The following WNK3 variants were observed in gnomAD, a reference collection of about 807,000 sequenced individuals.
WNK3 encodes the protein WNK lysine deficient protein kinase 3.
Under a neutral mutation model 116.7 loss-of-function variants are expected in WNK3, and 18 were observed. That is an observed-to-expected ratio of 0.15 (90% CI 0.11 to 0.23). The LOEUF (loss-of-function observed/expected upper bound fraction) is 0.23, where lower values mean the gene tolerates loss of function less well. Among genes scored for constraint, WNK3 ranks in the 10% least tolerant of loss-of-function variants. The probability of loss-of-function intolerance (pLI) is 1.00; values close to 1 mark genes in which losing one functional copy is unlikely to be tolerated. For missense variants in WNK3, 993 were observed against 1,323.8 expected, an observed-to-expected ratio of 0.75 and a Z score of 3.88; for synonymous variants, 404 against 469.4, an observed-to-expected ratio of 0.86 and a Z score of 1.80.
At chrX:54,278,294 T>A (rs2147054499) in intron 10 of WNK3, among the ~76,000 whole-genome samples, 1 of 110,075 alleles carries the variant, frequency 9.1e-6, no homozygotes, top group East Asian at 2.8e-4. Flanking sequence ...AGTCAAGATG[T>A]CAATTTTCCC....
intron 1 of WNK3, among the ~76,000 whole-genome samples, chrX:54,342,815 C>T (rs1276264707): frequency 5.4e-5 from 6 of 110,362 alleles, no homozygotes; most frequent in Admixed American, 9.8e-5. Context: ...CTAAGTATAA[C>T]GTATCTGGGG....
chrX:54,275,677 T>C (rs1023970422), intron 10 of WNK3, among the ~76,000 whole-genome samples: 4 of 110,285 alleles, frequency 3.6e-5, no homozygotes, highest in African/African-American at 9.9e-5. Flanking sequence ...ACTAACATGA[T>C]AGACTTAAAT....
intron 22 of WNK3, among the ~76,000 whole-genome samples, chrX:54,203,918 G>A (rs1333197238): frequency 9.1e-6 from 1 of 110,199 alleles, no homozygotes; most frequent in Non-Finnish European, 1.9e-5. Context: ...TTGTACTCCA[G>A]CCTGGGCAAC....
chrX:54,314,259 C>T (rs1213779534), intron 2 of WNK3, among the ~76,000 whole-genome samples: 2 of 107,342 alleles, frequency 1.9e-5, no homozygotes, highest in African/African-American at 6.8e-5. Context: ...TGCTTGTTTA[C>T]ACCTTTACCT....
chrX:54,198,600 T>C, exon 24 of WNK3: 1 of 1,210,071 alleles, frequency 8.3e-7, no homozygotes, highest in East Asian at 3.0e-5. Context: ...CTCCACGGAT[T>C]TGGGACAGAG....
chrX:54,344,658 CGGGCGCCT>C (rs1557177098), intron 1 of WNK3, among the ~76,000 whole-genome samples: 2 of 111,116 alleles, frequency 1.8e-5, no homozygotes, highest in East Asian at 2.9e-4. Flanking sequence ...TATTTGAGGC[CGGGCGCCT>C]GGGCGCGGTG....
chrX:54,214,132 G>A (rs781868233), intron 22 of WNK3, among the ~76,000 whole-genome samples: 7 of 110,413 alleles, frequency 6.3e-5, no homozygotes, highest in South Asian at 3.9e-4. Flanking sequence ...GCGTGCCACC[G>A]CTACCACACC....
intron 1 of WNK3, among the ~76,000 whole-genome samples, chrX:54,342,081 G>C (rs2069333712): frequency 9.1e-6 from 1 of 110,074 alleles, no homozygotes; most frequent in African/African-American, 3.3e-5. Flanking sequence ...GGCAACACAG[G>C]GAGACCCTGT....
intron 17 of WNK3, among the ~76,000 whole-genome samples, chrX:54,247,292 T>C (rs1439147023): frequency 9.0e-6 from 1 of 110,955 alleles, no homozygotes; most frequent in Non-Finnish European, 1.9e-5. Flanking sequence ...TTTCTTAAGA[T>C]TCGAATCACA....
rs140889058 is a variant in WNK3 at position 54,205,267 on chromosome X, CCAAACAAA to C, written c.4871-3082_4871-3075del. Among the ~76,000 whole-genome samples the C allele has an allele frequency of 5.4e-3, 553 of 102,955 alleles. 4 individuals are homozygous for C. The highest frequency in any genetic ancestry group is 0.02 in the African/African-American group (539 of 26,401). 89.4% of individuals were successfully genotyped at this position (102,955 alleles called of 115,157 possible). A position where few individuals can be genotyped will look rare whatever the true frequency, so the allele number is the denominator to read the frequency against. On this transcript the variant is annotated intron_variant, in intron 22 of 23. Transcript: ENST00000354646. ...ACCAACCAACCAACCAACCAACCAACCAAACAAACAAACAACAAAAAAAAGAACATTTC... is the reference window on the plus strand; with the variant it reads ...ACCAACCAACCAACCAACCAACCAACCAAACAACAAAAAAAAGAACATTTC...
intron 7 of WNK3, among the ~76,000 whole-genome samples, chrX:54,295,851 C>T (rs182957602): frequency 6.7e-4 from 74 of 110,764 alleles, no homozygotes; most frequent in Non-Finnish European, 1.1e-3. Flanking sequence ...CCACACCTGG[C>T]TAATTTTTAA....
chrX:54,293,217 T>C lies in WNK3; in HGVS notation c.1804A>G (p.Asn602Asp), dbSNP rs147282819. 3.3e-6 allele frequency: 4 copies of C among 1,211,166 alleles called. No homozygotes were observed. The African/African-American group carries it at 5.2e-5, about 16-fold the overall frequency. ...ACATTTACTTCAGCCTGCGGGATAT[T>C]AGAAACCATTTGAGAGCCCATCGTT... The change falls in exon 9 of 24, where the codon AAT becomes GAT. Residue 602 changes from asparagine (N) to aspartate (D), a missense_variant. Physicochemically the swap from Asn to Asp is conservative, Grantham distance 23. This residue lies in a region of WNK3 where 836 missense variants were observed against 976.5 expected (regional missense o/e 0.86). Transcript: ENST00000354646.
chrX:54,311,558 A>G (rs2068887464), intron 2 of WNK3, among the ~76,000 whole-genome samples: 1 of 112,101 alleles, frequency 8.9e-6, no homozygotes, highest in Non-Finnish European at 1.9e-5. Flanking sequence ...CTTGAAAAAC[A>G]GTATCTCAAA....
intron 10 of WNK3, among the ~76,000 whole-genome samples, chrX:54,280,665 G>A (rs896218957): frequency 1.8e-5 from 2 of 111,866 alleles, no homozygotes; most frequent in Non-Finnish European, 3.8e-5. Context: ...TTTCCTAGGC[G>A]AACTAACACA....
intron 17 of WNK3, among the ~76,000 whole-genome samples, chrX:54,243,441 A>AAAG (rs2068045030): frequency 9.3e-6 from 1 of 108,057 alleles, no homozygotes; most frequent in Admixed American, 1.0e-4. Flanking sequence ...AAAAAAAAAA[A>AAAG]AAAGAATTCT....
chrX:54,232,097 G>A (rs868994297), intron 21 of WNK3, among the ~76,000 whole-genome samples: 2 of 94,205 alleles, frequency 2.1e-5, no homozygotes, highest in Non-Finnish European at 4.0e-5. Context: ...CTGTGTATAT[G>A]TGTGTGTGTG....
At chrX:54,282,786 C>T (rs781914475) in intron 10 of WNK3, among the ~76,000 whole-genome samples, 5 of 111,583 alleles carry the variant, frequency 4.5e-5, no homozygotes, top group Non-Finnish European at 9.4e-5. Context: ...TGAAATTAGA[C>T]CCCTACCTCA....
chrX:54,242,532 C>G (rs1372383620), intron 17 of WNK3, among the ~76,000 whole-genome samples: 3 of 112,535 alleles, frequency 2.7e-5, no homozygotes, highest in Non-Finnish European at 5.6e-5. Flanking sequence ...TACTATAAAA[C>G]TACAGTAATC....
chrX:54,201,027 A>G (rs2067496374), intron 23 of WNK3, among the ~76,000 whole-genome samples: 1 of 111,967 alleles, frequency 8.9e-6, no homozygotes, highest in Non-Finnish European at 1.9e-5. Flanking sequence ...CACATATGAC[A>G]ATACATGTAC....
Sources: gnomAD v4.1 joint callset for allele counts (sites outside exome capture counted in the v4.1 genomes callset) on GRCh38, gnomAD v4.1.1 for gene constraint, gnomAD v4.1.1 regional missense constraint, MANE v1.5 for transcripts, NCBI Gene and HGNC (gene_info 2026-07-23, HGNC 2026-07-21) for gene names.